Variants in PANX1 observed in about 807,000 individuals in gnomAD.
The protein encoded by PANX1 is pannexin 1, also known as pannexin-1.
In PANX1, 30 loss-of-function variants were observed where a neutral mutation model predicts 38.7. The ratio of observed to expected loss-of-function variants is 0.78; its 90% confidence interval spans 0.58 to 1.05. PANX1 has a LOEUF of 1.05. Among genes scored for constraint, PANX1 ranks in the 50% least tolerant of loss-of-function variants. PANX1 has a pLI of 0.00. For missense variants in PANX1, 551 were observed against 517.2 expected, an observed-to-expected ratio of 1.07 and a Z score of -0.63; for synonymous variants, 230 against 212.2, an observed-to-expected ratio of 1.08 and a Z score of -0.73.
chr11:94,160,546 AC>A (rs771578118), intron 2 of PANX1, among the ~76,000 whole-genome samples: 13 of 151,816 alleles, frequency 8.6e-5, no homozygotes, highest in Non-Finnish European at 1.3e-4. Flanking sequence ...TAGGATTGCA[AC>A]CCCTGCCTTT....
intron 1 of PANX1, among the ~76,000 whole-genome samples, chr11:94,144,490 T>G (rs1946803985): frequency 6.6e-6 from 1 of 152,124 alleles, no homozygotes; most frequent in African/African-American, 2.4e-5. Flanking sequence ...TCTTTCTGAC[T>G]CCACACAGAG....
At chr11:94,130,236 G>C (rs1946612176) in intron 1 of PANX1, among the ~76,000 whole-genome samples, 1 of 151,968 alleles carries the variant, frequency 6.6e-6, no homozygotes. Context: ...TAGCGCAGGA[G>C]GGTTAAATAC....
In PANX1 at chr11:94,161,344, T is replaced by C. The variant is rs1320263373; in HGVS notation, c.321+7714T>C. Reference sequence around the variant, plus strand: ...TTTTCCTACTTGGTTCCATTCTCCCTGTCACTTTCAGGTACACCAATCAGA... The same window carrying C: ...TTTTCCTACTTGGTTCCATTCTCCCCGTCACTTTCAGGTACACCAATCAGA... On this transcript the variant is annotated intron_variant, in intron 2 of 4. Coordinates refer to ENST00000227638, the MANE Select transcript of PANX1 (RefSeq NM_015368.4). 3.3e-5 allele frequency among the ~76,000 whole-genome samples: 5 copies of C among 152,354 alleles called. No homozygotes were observed. The Middle Eastern group carries it at 0.01, about 311-fold the overall frequency.
chr11:94,148,834 A>G (rs1252436582), intron 1 of PANX1, among the ~76,000 whole-genome samples: 2 of 152,186 alleles, frequency 1.3e-5, no homozygotes, highest in Admixed American at 1.3e-4. Flanking sequence ...TTGAGCCTCC[A>G]GAACAACCCC....
intron 1 of PANX1, among the ~76,000 whole-genome samples, chr11:94,145,422 T>C (rs1946817210): frequency 6.6e-6 from 1 of 152,256 alleles, no homozygotes; most frequent in South Asian, 2.1e-4. Context: ...GTTATTTTCG[T>C]GGCTTTGCAG....
At chr11:94,177,331 C>G (rs868297193) in intron 2 of PANX1, among the ~76,000 whole-genome samples, 1 of 151,072 alleles carries the variant, frequency 6.6e-6, no homozygotes. Context: ...AAAGAGCAAA[C>G]AAAAAGCAAT....
chr11:94,140,310 T>C (rs754984382), intron 1 of PANX1, among the ~76,000 whole-genome samples: 7 of 152,222 alleles, frequency 4.6e-5, no homozygotes, highest in Admixed American at 2.6e-4. Flanking sequence ...CAAATGTCTA[T>C]ATATGTCGAA....
At chr11:94,147,694 G>A (rs566864309) in intron 1 of PANX1, among the ~76,000 whole-genome samples, 1 of 152,286 alleles carries the variant, frequency 6.6e-6, no homozygotes, top group Non-Finnish European at 1.5e-5. Context: ...GCCCAGCAAT[G>A]TGGTCATTTG....
At chr11:94,166,563 T>G (rs1947103005) in intron 2 of PANX1, among the ~76,000 whole-genome samples, 1 of 152,220 alleles carries the variant, frequency 6.6e-6, no homozygotes, top group Non-Finnish European at 1.5e-5. Context: ...TTTGCATCTT[T>G]TCACCTGGTG....
In PANX1 at chr11:94,178,511, A is replaced by C; in HGVS notation, c.464A>C (p.Lys155Thr). ...GACAAAGTTTACAACCGTGCAATTA[A>C]GGCTGCAAAGAGTGCGCGTGACCTT... is the stretch of plus-strand genomic sequence containing the variant. The part of the protein sequence containing the change: ...ELDKVYNRAI[K>T]AAKSARDLDM... Residue 155 changes from lysine to threonine, a missense_variant, in exon 3 of 5, where the codon AAG becomes ACG. Physicochemically the swap from Lys to Thr is moderately conservative, Grantham distance 78. Transcript: ENST00000227638. The C allele has an allele frequency of 6.2e-7, 1 of 1,614,114 alleles. No individual in the cohort carries two copies. Among genetic ancestry groups the C allele is most frequent in the Non-Finnish European group, 8.5e-7 (1 of 1,180,008 alleles).
chr11:94,153,692 G>T, intron 2 of PANX1, 62 bp downstream of exon 2: 1 of 1,496,816 alleles, frequency 6.7e-7, no homozygotes. Context: ...CTAAAGCCCA[G>T]GGAGGCTATG....
rs1005977213 is a variant in PANX1, at chr11:94,171,889, C to G, written c.322-6480C>G. 3.5e-5 allele frequency among the ~76,000 whole-genome samples: 5 copies of G among 141,036 alleles called. No individual in the cohort carries two copies. In the Admixed American group the frequency reaches 3.7e-4, roughly 10 times the overall value. 92.5% of individuals were successfully genotyped at this position (141,036 alleles called of 152,430 possible). Reference sequence around the variant, plus strand: ...GGGCACCCAGTAGGTGGCGCTCTAACACTGCTTGAGAACTGGCTTTTTTTT... The same window carrying G: ...GGGCACCCAGTAGGTGGCGCTCTAAGACTGCTTGAGAACTGGCTTTTTTTT... On this transcript the variant is annotated intron_variant, in intron 2 of 4. Coordinates refer to ENST00000227638, the MANE Select transcript of PANX1 (RefSeq NM_015368.4).
At chr11:94,140,710 AC>A (rs1946752389) in intron 1 of PANX1, among the ~76,000 whole-genome samples, 1 of 151,802 alleles carries the variant, frequency 6.6e-6, no homozygotes, top group Admixed American at 6.6e-5. Context: ...TGGTCTTAGG[AC>A]CCCTTTACAC....
At chr11:94,159,108 C>G (rs1451643039) in intron 2 of PANX1, among the ~76,000 whole-genome samples, 4 of 152,178 alleles carry the variant, frequency 2.6e-5, no homozygotes, top group African/African-American at 9.7e-5. Flanking sequence ...CCCACTTGAT[C>G]ATGGTGGATA....
At chr11:94,153,392 G>C in intron 1 of PANX1, 99 bp from the exon 2 acceptor site, 1 of 1,211,554 alleles carries the variant, frequency 8.3e-7, no homozygotes. Context: ...CTCCTGTCCT[G>C]GTGCTCCCTA....
intron 2 of PANX1, among the ~76,000 whole-genome samples, chr11:94,158,873 T>C (rs1946986584): frequency 6.6e-6 from 1 of 152,182 alleles, no homozygotes; most frequent in African/African-American, 2.4e-5. Context: ...CAGTATGATA[T>C]CAGCTGTGGG....
At chr11:94,176,427 G>A (rs1309523343) in intron 2 of PANX1, among the ~76,000 whole-genome samples, 1 of 151,640 alleles carries the variant, frequency 6.6e-6, no homozygotes, top group African/African-American at 2.4e-5. Flanking sequence ...GAGGACAGTA[G>A]GGGAAAAACT....
chr11:94,146,614 G>A (rs1946831381), intron 1 of PANX1, among the ~76,000 whole-genome samples: 1 of 152,032 alleles, frequency 6.6e-6, no homozygotes, highest in African/African-American at 2.4e-5. Context: ...GCCCTTCCTC[G>A]GGATTCCTGC....
chr11:94,141,630 C>T (rs371702473), intron 1 of PANX1, among the ~76,000 whole-genome samples: 2 of 152,118 alleles, frequency 1.3e-5, no homozygotes, highest in Admixed American at 6.5e-5. Context: ...AGTTGTTTCA[C>T]TTCTGAGCCC....
Sources: allele counts gnomAD v4.1 joint callset (sites outside exome capture counted in the v4.1 genomes callset), GRCh38; gene constraint gnomAD v4.1.1; transcripts MANE v1.5; gene names NCBI Gene and HGNC (gene_info 2026-07-23, HGNC 2026-07-21).